Variants in KSR1 observed in about 807,000 individuals in gnomAD.
KSR1 encodes kinase suppressor of ras.
In KSR1, 35 loss-of-function variants were observed where a neutral mutation model predicts 92.9. The observed-to-expected ratio is 0.38, with a 90% CI of 0.29 to 0.50. The LOEUF (loss-of-function observed/expected upper bound fraction) is 0.50, where lower values mean the gene tolerates loss of function less well. Ranked by LOEUF, KSR1 falls within the 20% of genes least tolerant of loss-of-function variation. The probability of loss-of-function intolerance (pLI) is 0.94; values close to 1 mark genes in which losing one functional copy is unlikely to be tolerated. For missense variants in KSR1, 972 were observed against 1,158.5 expected, an observed-to-expected ratio of 0.84 and a Z score of 2.34; for synonymous variants, 467 against 472.6, an observed-to-expected ratio of 0.99 and a Z score of 0.15.
At position 27,526,520 on chromosome 17, in the gene KSR1, C is replaced by G. The variant is rs2070304841; in HGVS notation, c.232-24048C>G. 7 of 1,604,430 alleles carry G rather than the reference C, an allele frequency of 4.4e-6. No individual in the cohort carries two copies. The South Asian group carries it at 4.4e-5, about 10-fold the overall frequency. On this transcript the variant is annotated intron_variant, in intron 1 of 20. Coordinates refer to ENST00000644974, the MANE Select transcript of KSR1 (RefSeq NM_001394583.1). ...TTATCCTGTGTTCCTCCTCTGCCAT[C>G]TCACACTCTCGCTCTGTCTGCTGGA...
At position 27,559,580 on chromosome 17, in the gene KSR1, G is replaced by A. The variant is rs767247897; in HGVS notation, c.372+8872G>A. Among the ~76,000 whole-genome samples the A allele has an allele frequency of 2.0e-5, 3 of 152,248 alleles. No individual in the cohort carries two copies. The highest frequency in any genetic ancestry group is 4.4e-5 in the Non-Finnish European group (3 of 68,042). ...CTATGACTGCATTGACCAGGGCCCT[G>A]TGGTGAGAGCTGGGATGCTGAAGAC... is the stretch of plus-strand genomic sequence containing the variant. On this transcript the variant is annotated intron_variant, in intron 2 of 20. Transcript: ENST00000644974. The surrounding 1 kb of genome is among the most constrained non-coding windows in gnomAD (Gnocchi z 4.2).
At chr17:27,572,319 A>G (rs1180354753) in intron 2 of KSR1, among the ~76,000 whole-genome samples, 2 of 152,138 alleles carry the variant, frequency 1.3e-5, no homozygotes, top group African/African-American at 4.8e-5. Context: ...GCTAACCCTG[A>G]GACTTGTCGG....
chr17:27,458,743 T>C (rs1363297634), intron 1 of KSR1, among the ~76,000 whole-genome samples: 3 of 152,162 alleles, frequency 2.0e-5, no homozygotes, highest in African/African-American at 7.2e-5. Flanking sequence ...TTCACTCCAC[T>C]TCCTGAAAAG....
At chr17:27,596,992 G>T (rs1259567948) in intron 9 of KSR1, among the ~76,000 whole-genome samples, 1 of 152,236 alleles carries the variant, frequency 6.6e-6, no homozygotes, top group African/African-American at 2.4e-5. Flanking sequence ...ATGGAGAGGA[G>T]GAGCGTGGTC....
chr17:27,475,827 G>C (rs1055711159), intron 1 of KSR1, among the ~76,000 whole-genome samples: 2 of 152,230 alleles, frequency 1.3e-5, no homozygotes, highest in Non-Finnish European at 2.9e-5. Context: ...CACACACACA[G>C]ATGTCAGTGA....
At chr17:27,493,956 G>T (rs1289038760) in intron 1 of KSR1, among the ~76,000 whole-genome samples, 1 of 152,120 alleles carries the variant, frequency 6.6e-6, no homozygotes, top group Non-Finnish European at 1.5e-5. Context: ...GGTGTGATTG[G>T]CTGGACTTTC....
intron 1 of KSR1, among the ~76,000 whole-genome samples, chr17:27,516,479 G>T (rs766585755): frequency 6.6e-6 from 1 of 152,000 alleles, no homozygotes; most frequent in Non-Finnish European, 1.5e-5. Context: ...CTTTGTCCTC[G>T]CTCCCTTTCT....
At chr17:27,613,544 TC>T (rs928788943) in intron 18 of KSR1, among the ~76,000 whole-genome samples, 33 of 152,038 alleles carry the variant, frequency 2.2e-4, no homozygotes, top group Non-Finnish European at 2.2e-4. Flanking sequence ...TCCACCCTAT[TC>T]CCCCAGTGCA....
At chr17:27,476,233 G>T (rs1206450786) in intron 1 of KSR1, among the ~76,000 whole-genome samples, 1 of 152,186 alleles carries the variant, frequency 6.6e-6, no homozygotes, top group East Asian at 1.9e-4. Context: ...TAATGAAGTG[G>T]TGCAAAATTC....
chr17:27,602,449 A>C (rs1203495836), intron 11 of KSR1, among the ~76,000 whole-genome samples: 1 of 152,198 alleles, frequency 6.6e-6, no homozygotes, highest in African/African-American at 2.4e-5. Flanking sequence ...AGAAGGGTCC[A>C]TTTTCCCCCG....
At chr17:27,572,716 T>C (rs935846850) in intron 2 of KSR1, among the ~76,000 whole-genome samples, 3 of 152,202 alleles carry the variant, frequency 2.0e-5, no homozygotes, top group Admixed American at 6.5e-5. Context: ...TCCAGGAAAG[T>C]TGTGAGTTAC....
chr17:27,524,567 A>C lies in KSR1; in HGVS notation c.232-26001A>C, dbSNP rs190260056. Among the ~76,000 whole-genome samples, 3 of 152,358 alleles carry C rather than the reference A, an allele frequency of 2.0e-5. No homozygotes were observed. In the East Asian group the frequency reaches 5.8e-4, roughly 29 times the overall value. ...GAGGATAGGCAAATCCAGCAAGTAC[A>C]GGCCGGTGGCCTCCAGTATCTCTGC... is the stretch of plus-strand genomic sequence containing the variant. On this transcript the variant is annotated intron_variant, in intron 1 of 20. Coordinates refer to ENST00000644974, the MANE Select transcript of KSR1 (RefSeq NM_001394583.1).
rs541739319 is a variant in KSR1, at chr17:27,567,483, C to T, written c.373-10009C>T. ...GCAAGAACATGGACTTGAGGAGTTC[C>T]GCCCATCTGCCACCTTCTAAGCCAC... is the stretch of plus-strand genomic sequence containing the variant. On this transcript the variant is annotated intron_variant, in intron 2 of 20. Transcript: ENST00000644974. Among the ~76,000 whole-genome samples, 19 of 152,226 alleles carry T rather than the reference C, an allele frequency of 1.2e-4. No homozygotes were observed. The South Asian group carries it at 1.5e-3, about 12-fold the overall frequency.
At chr17:27,528,656 T>C (rs1217327986) in intron 1 of KSR1, among the ~76,000 whole-genome samples, 3 of 152,080 alleles carry the variant, frequency 2.0e-5, no homozygotes, top group Non-Finnish European at 4.4e-5. Context: ...CCCAGTGCTT[T>C]GGGAGGCTGA....
chr17:27,597,348 G>A lies in KSR1; in HGVS notation c.1380G>A (p.Ala460=), dbSNP rs779037059. Residue 460 remains alanine, a synonymous_variant, in exon 10 of 21, where the codon GCG becomes GCA. Transcript: ENST00000644974. The part of the protein sequence containing the change: ...STTSSTPSSP[A]PFPTSSNPSS... ...CCTCCTCCACACCCTCCTCACCGGC[G>A]CCCTTCCCGACATCATCCAACCCAT... 8 of 1,613,280 alleles carry A rather than the reference G, an allele frequency of 5.0e-6. No individual in the cohort carries two copies. Among genetic ancestry groups the A allele is most frequent in the Middle Eastern group, 1.6e-4 (1 of 6,062 alleles).
At chr17:27,566,680 G>A (rs1270782735) in intron 2 of KSR1, 2 of 397,472 alleles carry the variant, frequency 5.0e-6, no homozygotes, top group Non-Finnish European at 8.9e-6. Context: ...TAGAACACGT[G>A]TGGAGAAATC....
chr17:27,564,481 A>ACAGAGAC (rs2071977270), intron 2 of KSR1, among the ~76,000 whole-genome samples: 2 of 152,224 alleles, frequency 1.3e-5, no homozygotes, highest in Non-Finnish European at 2.9e-5. Context: ...GGCAATACAA[A>ACAGAGAC]TCCAAGGAAG....
intron 1 of KSR1, among the ~76,000 whole-genome samples, chr17:27,521,252 C>A (rs1002992916): frequency 6.6e-6 from 1 of 152,024 alleles, no homozygotes; most frequent in Non-Finnish European, 1.5e-5. Flanking sequence ...GTTAGGATAC[C>A]CAAGCTGAAA....
At chr17:27,479,056 C>G (rs1488587078) in intron 1 of KSR1, among the ~76,000 whole-genome samples, 1 of 149,876 alleles carries the variant, frequency 6.7e-6, no homozygotes, top group African/African-American at 2.5e-5. Flanking sequence ...CCATGCTCCT[C>G]CCTCCATCTA....
Sources: allele counts gnomAD v4.1 joint callset (sites outside exome capture counted in the v4.1 genomes callset), GRCh38; gene constraint gnomAD v4.1.1; non-coding constraint Gnocchi (gnomAD v3.1); transcripts MANE v1.5; gene names NCBI Gene and HGNC (gene_info 2026-07-23, HGNC 2026-07-21).